Variants in SLC24A2 observed in about 807,000 individuals in gnomAD.
The protein encoded by SLC24A2 is sodium/potassium/calcium exchanger 2.
Under a neutral mutation model 62.0 loss-of-function variants are expected in SLC24A2, and 36 were observed. The observed-to-expected ratio is 0.58, with a 90% CI of 0.44 to 0.77. SLC24A2 has a LOEUF of 0.77. SLC24A2 is among the 30% of genes least tolerant of loss of function. The probability of loss-of-function intolerance (pLI) is 0.00; values close to 1 mark genes in which losing one functional copy is unlikely to be tolerated. For synonymous variants in SLC24A2, 358 were observed against 294.0 expected (o/e 1.22, Z -2.23); for missense variants, 846 against 817.9 (o/e 1.03, Z -0.42).
At chr9:20,291,903 T>A in the SLC24A2 span, among the ~76,000 whole-genome samples, 3 of 152,016 alleles carry the variant, frequency 2.0e-5, no homozygotes, top group African/African-American at 7.2e-5. Flanking sequence ...CAAGGCAGGA[T>A]GCTATGCTCT....
the SLC24A2 span, among the ~76,000 whole-genome samples, chr9:20,165,140 TAA>T: frequency 2.0e-5 from 3 of 151,454 alleles, no homozygotes; most frequent in East Asian, 5.9e-4. Context: ...ATAATAATAA[TAA>T]AAAAAGAAAG....
chr9:19,914,944 TA>T, the SLC24A2 span, among the ~76,000 whole-genome samples: 863 of 152,066 alleles, frequency 5.7e-3, 3 homozygotes, highest in African/African-American at 0.019. Context: ...TTTAATAATT[TA>T]AAAAAAAGAT....
chr9:20,143,008 G>A, the SLC24A2 span, among the ~76,000 whole-genome samples: 1 of 152,174 alleles, frequency 6.6e-6, no homozygotes, highest in African/African-American at 2.4e-5. Flanking sequence ...AAACAGATAT[G>A]ACTATACACA....
the SLC24A2 span, among the ~76,000 whole-genome samples, chr9:20,028,929 T>C: frequency 6.6e-6 from 1 of 152,222 alleles, no homozygotes; most frequent in Admixed American, 6.5e-5. Context: ...CTAAGGTCAT[T>C]TCCTGGCTTT....
At chr9:19,713,049 C>G (rs1393007237) in intron 2 of SLC24A2, among the ~76,000 whole-genome samples, 1 of 152,200 alleles carries the variant, frequency 6.6e-6, no homozygotes, top group Non-Finnish European at 1.5e-5. Flanking sequence ...TTTTTCAAAA[C>G]CCTACACCTC....
the SLC24A2 span, among the ~76,000 whole-genome samples, chr9:19,869,648 G>C: frequency 6.6e-6 from 1 of 152,078 alleles, no homozygotes; most frequent in African/African-American, 2.4e-5. Context: ...GAATGATACT[G>C]AGTCCTGATA....
the SLC24A2 span, among the ~76,000 whole-genome samples, chr9:20,069,693 A>T: frequency 1.3e-5 from 2 of 152,132 alleles, no homozygotes; most frequent in South Asian, 2.1e-4. Flanking sequence ...TTGCCTTATG[A>T]TCTTCTTTTT....
At chr9:19,807,688 C>A in the SLC24A2 span, among the ~76,000 whole-genome samples, 1 of 152,180 alleles carries the variant, frequency 6.6e-6, no homozygotes, top group African/African-American at 2.4e-5. Context: ...CTTTCTCCAC[C>A]TCTTCTTCTA....
chr9:19,735,675 G>C (rs1270548262), intron 2 of SLC24A2, among the ~76,000 whole-genome samples: 1 of 152,164 alleles, frequency 6.6e-6, no homozygotes, highest in Non-Finnish European at 1.5e-5. Context: ...ATACTATGCA[G>C]CCATAAAAAA....
chr9:19,911,190 A>G, the SLC24A2 span, among the ~76,000 whole-genome samples: 2 of 151,258 alleles, frequency 1.3e-5, no homozygotes, highest in East Asian at 3.9e-4. Context: ...TCCTTGCGAT[A>G]GTTTACTGAG....
At chr9:19,837,458 CAAAAAAAAAAAAAAAAAAAA>C in the SLC24A2 span, among the ~76,000 whole-genome samples, 17 of 22,354 alleles carry the variant, frequency 7.6e-4, no homozygotes, top group South Asian at 0.011. Context: ...GACTCCGTCT[CAAAAAAAAAAAAAAAAAAAA>C]AAAAAAAAAA....
At chr9:19,831,401 C>G in the SLC24A2 span, among the ~76,000 whole-genome samples, 1 of 152,174 alleles carries the variant, frequency 6.6e-6, no homozygotes, top group Non-Finnish European at 1.5e-5. Flanking sequence ...CACTCTCACT[C>G]TTTAACTATC....
intron 4 of SLC24A2, among the ~76,000 whole-genome samples, chr9:19,618,869 T>C (rs901251201): frequency 4.6e-5 from 7 of 152,212 alleles, no homozygotes; most frequent in Admixed American, 1.3e-4. Flanking sequence ...ATCCGATATC[T>C]ATCAACTTGA....
intron 2 of SLC24A2, among the ~76,000 whole-genome samples, chr9:19,767,732 G>C (rs1822562868): frequency 6.6e-6 from 1 of 152,186 alleles, no homozygotes; most frequent in African/African-American, 2.4e-5. Context: ...CTGCAGACCA[G>C]AGCTGTTTTT....
chr9:19,775,944 C>T (rs137933526), intron 2 of SLC24A2, among the ~76,000 whole-genome samples: 4 of 152,348 alleles, frequency 2.6e-5, no homozygotes, highest in African/African-American at 9.6e-5. Flanking sequence ...ACTAAGGCCA[C>T]AGCCCTTTGG....
intron 7 of SLC24A2, among the ~76,000 whole-genome samples, chr9:19,562,391 A>G (rs768357888): frequency 6.6e-6 from 1 of 152,188 alleles, no homozygotes; most frequent in Non-Finnish European, 1.5e-5. Flanking sequence ...CAATTAATAG[A>G]CATTCTTCAA....
chr9:19,634,054 G>A (rs1444031165), intron 2 of SLC24A2, among the ~76,000 whole-genome samples: 1 of 151,972 alleles, frequency 6.6e-6, no homozygotes, highest in Non-Finnish European at 1.5e-5. Flanking sequence ...TTTTTTCCTA[G>A]ATGTTTTATA....
At chr9:20,139,782 A>G in the SLC24A2 span, among the ~76,000 whole-genome samples, 1 of 152,158 alleles carries the variant, frequency 6.6e-6, no homozygotes, top group Non-Finnish European at 1.5e-5. Flanking sequence ...TGGAGAAACA[A>G]ATTTGTCCCA....
chr9:19,787,969 T>A (rs2383123), intron 1 of SLC24A2, among the ~76,000 whole-genome samples: 58,814 of 152,060 alleles, frequency 0.39, 12,352 homozygotes, highest in Admixed American at 0.49. Context: ...ACGGAGGAGA[T>A]GGGTAAAATA....
Sources: allele counts gnomAD v4.1 joint callset (sites outside exome capture counted in the v4.1 genomes callset), GRCh38; gene constraint gnomAD v4.1.1; transcripts MANE v1.5; gene names NCBI Gene and HGNC (gene_info 2026-07-23, HGNC 2026-07-21).